Variants in ADAMTS3 observed in about 807,000 individuals in gnomAD.
ADAMTS3 encodes A disintegrin and metalloproteinase with thrombospondin motifs 3.
Under a neutral mutation model 129.0 loss-of-function variants are expected in ADAMTS3, and 73 were observed. The ratio of observed to expected loss-of-function variants is 0.57; its 90% CI spans 0.47 to 0.69. ADAMTS3 has a LOEUF of 0.69. Among genes scored for constraint, ADAMTS3 ranks in the 30% least tolerant of loss-of-function variants. ADAMTS3 has a pLI of 0.00. For synonymous variants in ADAMTS3, 477 were observed against 510.8 expected, an observed-to-expected ratio of 0.93 and a Z score of 0.89; for missense variants, 1,457 against 1,514.5, an observed-to-expected ratio of 0.96 and a Z score of 0.63.
At chr4:72,466,773 C>T (rs997410974) in intron 3 of ADAMTS3, among the ~76,000 whole-genome samples, 3 of 151,890 alleles carry the variant, frequency 2.0e-5, no homozygotes, top group Non-Finnish European at 4.4e-5. Context: ...TTATACTCAT[C>T]GCTTCAACTG....
In ADAMTS3 at chr4:72,291,505, G is replaced by A. The variant is rs146993341; in HGVS notation, c.2724-443C>T. On this transcript the variant is annotated intron_variant, in intron 19 of 21. Transcript: ENST00000286657. ...TATGAGTGAGAACATGCGGTGTTTC[G>A]TTTTTTGTCCTTGCGATAGTTTACT... Among the ~76,000 whole-genome samples, 1,235 of 148,912 alleles carry A rather than the reference G, an allele frequency of 8.3e-3. 15 individuals carry two copies. Among genetic ancestry groups the A allele is most frequent in the African/African-American group, 0.029 (1,169 of 40,416 alleles).
chr4:72,344,381 G>C (rs985083625), intron 4 of ADAMTS3, among the ~76,000 whole-genome samples: 2 of 152,096 alleles, frequency 1.3e-5, no homozygotes, highest in African/African-American at 4.8e-5. Context: ...GGTAAAATTG[G>C]AAAGGTACAA....
intron 4 of ADAMTS3, among the ~76,000 whole-genome samples, chr4:72,404,983 T>C (rs993552751): frequency 1.3e-5 from 2 of 151,788 alleles, no homozygotes; most frequent in African/African-American, 4.8e-5. Context: ...GAAATAACAA[T>C]CAAAACAGAA....
intron 4 of ADAMTS3, among the ~76,000 whole-genome samples, chr4:72,349,301 CTGTT>C (rs1198333898): frequency 2.0e-5 from 3 of 151,994 alleles, no homozygotes; most frequent in African/African-American, 7.2e-5. Context: ...ATTGTTATGG[CTGTT>C]TGATCATACA....
At chr4:72,438,284 T>A (rs1249588070) in intron 3 of ADAMTS3, among the ~76,000 whole-genome samples, 6 of 151,758 alleles carry the variant, frequency 4.0e-5, no homozygotes, top group Admixed American at 2.6e-4. Context: ...TCAACCTTTT[T>A]GGTCCTATTT....
intron 4 of ADAMTS3, among the ~76,000 whole-genome samples, chr4:72,369,437 G>A (rs1025011523): frequency 6.6e-6 from 1 of 152,068 alleles, no homozygotes; most frequent in Non-Finnish European, 1.5e-5. Context: ...GTGACCGGGC[G>A]CGGTGGCTCA....
intron 4 of ADAMTS3, among the ~76,000 whole-genome samples, chr4:72,393,836 T>A (rs1373405869): frequency 6.6e-6 from 1 of 152,222 alleles, no homozygotes; most frequent in African/African-American, 2.4e-5. Context: ...CTTCAGCATC[T>A]ATAACTAGAT....
rs542884863 is a variant in ADAMTS3 at position 72,406,303 on chromosome 4, C to T, written c.661+8512G>A. On this transcript the variant is annotated intron_variant, in intron 4 of 21. Coordinates refer to ENST00000286657, the MANE Select transcript of ADAMTS3 (RefSeq NM_014243.3). ...ATGCCTACTTGGCCAGCCACAGGAA[C>T]CCATACTATGGTTAATATAGGATAA... 3.3e-5 allele frequency among the ~76,000 whole-genome samples: 5 copies of T among 152,186 alleles called. No individual in the cohort carries two copies. The South Asian group carries it at 1.0e-3, about 32-fold the overall frequency.
At chr4:72,484,441 CA>C (rs1719523555) in intron 3 of ADAMTS3, among the ~76,000 whole-genome samples, 3 of 152,100 alleles carry the variant, frequency 2.0e-5, no homozygotes, top group Non-Finnish European at 4.4e-5. Flanking sequence ...ATACTTAAAG[CA>C]GGGTAAAAAA....
At chr4:72,524,173 C>T (rs1258361939) in intron 3 of ADAMTS3, among the ~76,000 whole-genome samples, 1 of 151,958 alleles carries the variant, frequency 6.6e-6, no homozygotes, top group African/African-American at 2.4e-5. Flanking sequence ...TCCTGAAGTC[C>T]TTTCAGGAAT....
chr4:72,311,126 G>A lies in ADAMTS3; in HGVS notation c.1977C>T (p.Tyr659=), dbSNP rs369504290. ...CQSKETGDVA[Y]MKQLVHDGTH... is the part of the protein sequence containing the mutation. Reference sequence around the variant, plus strand: ...TTCCATCATGCACCAGTTGTTTCATGTAAGCAACATCTCCAGTCTCCTTGG... The same window carrying A: ...TTCCATCATGCACCAGTTGTTTCATATAAGCAACATCTCCAGTCTCCTTGG... The change falls in exon 14 of 22, where the codon TAC becomes TAT. Residue 659 remains tyrosine (Y), a synonymous_variant. Transcript: ENST00000286657. 1.3e-4 allele frequency: 208 copies of A among 1,612,512 alleles called. 2 individuals are homozygous for A. The highest frequency in any genetic ancestry group is 8.3e-4 in the Admixed American group (50 of 59,932).
intron 4 of ADAMTS3, among the ~76,000 whole-genome samples, chr4:72,366,302 C>T (rs1720865986): frequency 6.6e-6 from 1 of 152,204 alleles, no homozygotes; most frequent in South Asian, 2.1e-4. Context: ...CACCAAACTT[C>T]TGCCTTCAAA....
chr4:72,425,194 AATT>A lies in ADAMTS3; in HGVS notation c.505-10226_505-10224del, dbSNP rs544172409. 2.0e-3 allele frequency among the ~76,000 whole-genome samples: 307 copies of A among 152,292 alleles called. 2 individuals carry two copies. The highest frequency in any genetic ancestry group is 5.0e-4 in the Non-Finnish European group (34 of 68,016). ...TCTCAGAAAAAGTTGAGGAAGCATA[AATT>A]ATTATTTGTATTATTCTTAGGAAAA... On this transcript the variant is annotated intron_variant, in intron 3 of 21. Transcript: ENST00000286657.
At chr4:72,355,671 T>A (rs530385887) in intron 4 of ADAMTS3, among the ~76,000 whole-genome samples, 1 of 152,026 alleles carries the variant, frequency 6.6e-6, no homozygotes, top group African/African-American at 2.4e-5. Flanking sequence ...AGGCACCATC[T>A]TGGAAGTTGA....
chr4:72,525,062 TA>T (rs1321660019), intron 3 of ADAMTS3, among the ~76,000 whole-genome samples: 1 of 152,214 alleles, frequency 6.6e-6, no homozygotes, highest in Admixed American at 6.5e-5. Context: ...TCTATAAAGC[TA>T]TAAGTATGAT....
At chr4:72,504,406 T>C (rs1720104103) in intron 3 of ADAMTS3, among the ~76,000 whole-genome samples, 1 of 152,184 alleles carries the variant, frequency 6.6e-6, no homozygotes, top group Non-Finnish European at 1.5e-5. Flanking sequence ...CCTGATCTCT[T>C]CTGGCTCGTA....
rs1560522185 is a variant in ADAMTS3 at position 72,455,948 on chromosome 4, C to CTATATATATTTTACATAT, written c.505-40978_505-40977insATATGTAAAATATATATA. On this transcript the variant is annotated intron_variant, in intron 3 of 21. Transcript: ENST00000286657. Reference sequence around the variant, plus strand: ...ATATATTTTATATATAGTATATATACAGTATATATACTATATATATTTTAC... The same window carrying CTATATATATTTTACATAT: ...ATATATTTTATATATAGTATATATACTATATATATTTTACATATAGTATATATACTATATATATTTTAC... Among the ~76,000 whole-genome samples, 30 of 73,886 alleles carry CTATATATATTTTACATAT rather than the reference C, an allele frequency of 4.1e-4. 1 individual carries two copies. The highest frequency in any genetic ancestry group is 1.9e-3 in the African/African-American group (30 of 16,062). 48.5% of individuals were successfully genotyped at this position (73,886 alleles called of 152,430 possible). A position where few individuals can be genotyped will look rare whatever the true frequency, so the allele number is the denominator to read the frequency against.
At chr4:72,336,799 T>G (rs2109828702) in intron 5 of ADAMTS3, among the ~76,000 whole-genome samples, 1 of 152,192 alleles carries the variant, frequency 6.6e-6, no homozygotes, top group Non-Finnish European at 1.5e-5. Flanking sequence ...TGTAGGATGC[T>G]GAGCAGCATC....
At chr4:72,529,754 TATA>T (rs1224884805) in intron 3 of ADAMTS3, among the ~76,000 whole-genome samples, 13 of 110,024 alleles carry the variant, frequency 1.2e-4, no homozygotes, top group South Asian at 7.2e-4. Flanking sequence ...ATATATTGTA[TATA>T]ATATTAATAT....
Sources: allele counts gnomAD v4.1 joint callset (sites outside exome capture counted in the v4.1 genomes callset), GRCh38; gene constraint gnomAD v4.1.1; transcripts MANE v1.5; gene names NCBI Gene and HGNC (gene_info 2026-07-23, HGNC 2026-07-21).